Variants in NR4A1 observed in about 807,000 individuals in gnomAD.
NR4A1 encodes the protein nuclear receptor subfamily 4 group A member 1.
In NR4A1, 24 loss-of-function variants were observed where a neutral mutation model predicts 47.5. The observed-to-expected ratio is 0.50, with a 90% confidence interval of 0.37 to 0.71. The LOEUF is 0.71. NR4A1 is among the 30% of genes least tolerant of loss of function. The probability of loss-of-function intolerance (pLI) is 0.00; values close to 1 mark genes in which losing one functional copy is unlikely to be tolerated. For synonymous variants in NR4A1, 353 were observed against 345.7 expected, an observed-to-expected ratio of 1.02 and a Z score of -0.24; for missense variants, 669 against 788.6, an observed-to-expected ratio of 0.85 and a Z score of 1.82.
At chr12:52,046,338 G>A (rs923320785) in intron 2 of NR4A1, among the ~76,000 whole-genome samples, 1 of 152,208 alleles carries the variant, frequency 6.6e-6, no homozygotes, top group Admixed American at 6.5e-5. Flanking sequence ...CACGGACTAG[G>A]AGACAGTGCC....
chr12:52,044,200 C>T (rs956448010), intron 2 of NR4A1, among the ~76,000 whole-genome samples: 16 of 152,238 alleles, frequency 1.1e-4, no homozygotes, highest in African/African-American at 3.4e-4. Flanking sequence ...CTCCACCCCG[C>T]CTGGATGAGG....
chr12:52,057,455 T>G lies in NR4A1; in HGVS notation c.1465T>G (p.Phe489Val). The G allele has an allele frequency of 6.2e-7, 1 of 1,614,250 alleles. No homozygotes were observed. The highest frequency in any genetic ancestry group is 8.5e-7 in the Non-Finnish European group (1 of 1,180,036). The change falls in exon 6 of 7, where the codon TTC (phenylalanine) becomes GTC (valine). Residue 489 changes from phenylalanine (F) to valine (V), a missense_variant. Phe to Val is a conservative substitution (Grantham distance 50). Transcript: ENST00000394825. ...GGACTGGATTGACAGTATCCTGGCC[T>G]TCTCAAGGTCCCTGCACAGCTTGCT... ...FGDWIDSILAFSRSLHSLLVD... is the reference protein window; with the variant it reads ...FGDWIDSILAVSRSLHSLLVD...
At chr12:52,042,117 T>C (rs1592288115) in intron 2 of NR4A1, among the ~76,000 whole-genome samples, 1 of 151,922 alleles carries the variant, frequency 6.6e-6, no homozygotes, top group Non-Finnish European at 1.5e-5. Context: ...AGTGTGAGTG[T>C]GGGGACTGGG....
chr12:52,026,052 C>T (rs1423840228), intron 1 of NR4A1, among the ~76,000 whole-genome samples: 1 of 152,230 alleles, frequency 6.6e-6, no homozygotes, highest in Non-Finnish European at 1.5e-5. Context: ...GGAATACCCT[C>T]ACTGGTGGCT....
Position 52,059,280 on chromosome 12 carries a change from C to T in NR4A1, c.*336C>T, listed in dbSNP as rs1260977989. 4.2e-6 allele frequency: 1 copy of T among 236,598 alleles called. No homozygotes were observed. The highest frequency in any genetic ancestry group is 9.3e-5 in the East Asian group (1 of 10,802). 14.7% of individuals were successfully genotyped at this position (236,598 alleles called of 1,614,324 possible). A position where few individuals can be genotyped will look rare whatever the true frequency, so the allele number is the denominator to read the frequency against. On this transcript the variant is annotated 3_prime_UTR_variant, in exon 7 of 7. Coordinates refer to ENST00000394825, the MANE Select transcript of NR4A1 (RefSeq NM_173157.3). ...GAAAGAGCTTGAGGTGGGAGCGGGG[C>T]TGGGAGGAAGGGATGGGCCCCGCCT...
chr12:52,026,187 G>A (rs1401021901), intron 1 of NR4A1, among the ~76,000 whole-genome samples: 3 of 152,250 alleles, frequency 2.0e-5, no homozygotes, highest in African/African-American at 7.2e-5. Context: ...TGGGACAGGA[G>A]TGCATGGGAA....
At chr12:52,037,568 G>GT in intron 1 of NR4A1, 2 of 982,820 alleles carry the variant, frequency 2.0e-6, no homozygotes, top group Non-Finnish European at 2.4e-6. Flanking sequence ...TGGGGAGTCG[G>GT]GGGGGGGACT....
intron 2 of NR4A1, chr12:52,043,864 G>C (rs1393270577): frequency 7.8e-7 from 1 of 1,289,060 alleles, no homozygotes; most frequent in African/African-American, 1.5e-5. Flanking sequence ...TCGTGCGGTT[G>C]TCTGGGACCT....
At chr12:52,038,599 A>C (rs1031622769) in intron 1 of NR4A1, 1 of 667,862 alleles carries the variant, frequency 1.5e-6, no homozygotes, top group Admixed American at 2.1e-5. Flanking sequence ...TGGTGGGGCT[A>C]CAAGGCTTGC....
chr12:52,057,150 C>T lies in NR4A1; in HGVS notation c.1252C>T (p.Arg418Cys), dbSNP rs145506256. Residue 418 changes from arginine (R) to cysteine (C), a missense_variant, in exon 5 of 7, where the codon CGC (arginine) becomes TGC (cysteine). Coordinates refer to ENST00000394825, the MANE Select transcript of NR4A1 (RefSeq NM_173157.3). ...GCTCTCCGGTTCTCTGGAGGTCATC[C>T]GCAAGTGGGCGGAGAAGATCCCTGG... ...DLLSGSLEVIRKWAEKIPGFA... is the reference protein window; with the variant it reads ...DLLSGSLEVICKWAEKIPGFA... 51 of 1,614,092 alleles carry T rather than the reference C, an allele frequency of 3.2e-5. No homozygotes were observed. In the Admixed American group the frequency reaches 4.3e-4, roughly 14 times the overall value.
chr12:52,037,852 G>A, intron 1 of NR4A1: 1 of 985,444 alleles, frequency 1.0e-6, no homozygotes, highest in Non-Finnish European at 1.2e-6. Flanking sequence ...GGGGTCTCGT[G>A]GAGTCAGGCG....
At chr12:52,039,442 A>AGCTGGGATCCAGG (rs1464029773) in intron 1 of NR4A1, among the ~76,000 whole-genome samples, 1 of 152,218 alleles carries the variant, frequency 6.6e-6, no homozygotes, top group African/African-American at 2.4e-5. Context: ...CAGGGGACAG[A>AGCTGGGATCCAGG]GCTGGGATCC....
chr12:52,058,587 T>C, intron 6 of NR4A1, 101 bp from the exon 7 acceptor site: 2 of 1,381,274 alleles, frequency 1.4e-6, no homozygotes, highest in Admixed American at 6.3e-5. Flanking sequence ...CAGCAGAGCA[T>C]GAGGGGTGGT....
intron 2 of NR4A1, chr12:52,045,390 G>A (rs536507004): frequency 2.1e-5 from 7 of 328,080 alleles, no homozygotes; most frequent in East Asian, 9.9e-5. Context: ...GGTATATGTC[G>A]GGGTCCTGGA....
chr12:52,051,478 G>A lies in NR4A1; in HGVS notation c.-93G>A. 1 of 985,602 alleles carries A rather than the reference G, an allele frequency of 1.0e-6. No homozygotes were observed. Among genetic ancestry groups the A allele is most frequent in the Non-Finnish European group, 1.2e-6 (1 of 830,052 alleles). The allele number at this position is 985,602 out of a possible 1,614,324, so 61.1% of individuals were successfully genotyped here. On this transcript the variant is annotated 5_prime_UTR_variant, in exon 1 of 7. Transcript: ENST00000394825. Reference sequence around the variant, plus strand: ...CGGAGGCTACGAAACTTGGGGGAGTGCACAGAAGAACTTCGGGAGCGCACG... The same window carrying A: ...CGGAGGCTACGAAACTTGGGGGAGTACACAGAAGAACTTCGGGAGCGCACG...
chr12:52,043,934 T>C (rs1938533443), intron 2 of NR4A1: 7 of 1,288,360 alleles, frequency 5.4e-6, no homozygotes, highest in South Asian at 1.2e-5. Flanking sequence ...ACAGGGACAT[T>C]GAGGAATGGG....
At chr12:52,023,808 T>G (rs1024101047) in intron 1 of NR4A1, among the ~76,000 whole-genome samples, 13 of 152,154 alleles carry the variant, frequency 8.5e-5, no homozygotes, top group Non-Finnish European at 1.5e-4. Context: ...GGCTCCCCGC[T>G]GCAAAGGGGC....
chr12:52,025,717 T>G lies in NR4A1; in HGVS notation c.-84+2778T>G, dbSNP rs559430486. On this transcript the variant is annotated intron_variant, in intron 1 of 7. Coordinates refer to the NR4A1 transcript ENST00000360284. ...AGGGCTTTCCGAGGTTCTTTTCCTC[T>G]GTGGTTCCTAGAAGAGGGCCTGGCA... Among the ~76,000 whole-genome samples, 430 of 152,316 alleles carry G rather than the reference T, an allele frequency of 2.8e-3. 1 individual carries two copies. The highest frequency in any genetic ancestry group is 4.9e-3 in the Non-Finnish European group (331 of 68,028).
chr12:52,056,998 C>A lies in NR4A1; in HGVS notation c.1159-59C>A, dbSNP rs760507783. On this transcript the variant is annotated intron_variant, in intron 4 of 6. Coordinates refer to ENST00000394825, the MANE Select transcript of NR4A1 (RefSeq NM_173157.3). ...CATCCAAGTGTCTGACACAGCCATA[C>A]GTGGCAGTGGGTGTAGGAGCCTGCC... 2.8e-6 allele frequency: 4 copies of A among 1,443,690 alleles called. No individual in the cohort carries two copies. The African/African-American group carries it at 5.6e-5, about 20-fold the overall frequency. The allele number at this position is 1,443,690 out of a possible 1,614,324, so 89.4% of individuals were successfully genotyped here. A position where few individuals can be genotyped will look rare whatever the true frequency, so the allele number is the denominator to read the frequency against.
Sources: gnomAD v4.1 joint callset for allele counts (sites outside exome capture counted in the v4.1 genomes callset) on GRCh38, gnomAD v4.1.1 for gene constraint, MANE v1.5 for transcripts, NCBI Gene and HGNC (gene_info 2026-07-23, HGNC 2026-07-21) for gene names.